Variants in TTLL11 observed in about 807,000 individuals in gnomAD.
The protein encoded by TTLL11 is tubulin tyrosine ligase like 11.
A neutral mutation model predicts 51.7 loss-of-function variants in TTLL11; 42 were observed. That is an observed-to-expected ratio of 0.81 (90% CI 0.64 to 1.05). TTLL11 has a LOEUF of 1.05. Among genes scored for constraint, TTLL11 ranks in the 50% least tolerant of loss-of-function variants. TTLL11 has a pLI of 0.00. For missense variants in TTLL11, 799 were observed against 940.4 expected, an observed-to-expected ratio of 0.85 and a Z score of 1.97; for synonymous variants, 381 against 383.5, an observed-to-expected ratio of 0.99 and a Z score of 0.08.
intron 3 of TTLL11, among the ~76,000 whole-genome samples, chr9:121,991,744 C>G (rs138176743): frequency 1.6e-4 from 25 of 152,256 alleles, no homozygotes; most frequent in Admixed American, 3.9e-4. Flanking sequence ...TGCTCTTTGC[C>G]AGAATAGTGC....
chr9:122,031,912 C>T, intron 2 of TTLL11, 56 bp from the exon 3 acceptor site: 1 of 1,564,668 alleles, frequency 6.4e-7, no homozygotes, highest in Non-Finnish European at 8.7e-7. Context: ...AGCTATAAAA[C>T]AGCCATTATT....
chr9:121,901,771 T>A (rs1279794112), intron 6 of TTLL11, among the ~76,000 whole-genome samples: 1 of 152,186 alleles, frequency 6.6e-6, no homozygotes, highest in Non-Finnish European at 1.5e-5. Flanking sequence ...CTTGTCTCCA[T>A]GTGGCCCCAA....
At chr9:121,910,248 C>G (rs571583866) in intron 6 of TTLL11, among the ~76,000 whole-genome samples, 1 of 152,186 alleles carries the variant, frequency 6.6e-6, no homozygotes, top group South Asian at 2.1e-4. Flanking sequence ...ATGACCTTGA[C>G]CCATCTATTT....
intron 8 of TTLL11, among the ~76,000 whole-genome samples, chr9:121,826,217 T>TATATAC (rs1491163835): frequency 0.11 from 6,102 of 57,912 alleles, 827 homozygotes; most frequent in Non-Finnish European, 0.13. Context: ...TATATATATA[T>TATATAC]GCACACATAT....
At chr9:122,052,727 G>T (rs1387587472) in intron 1 of TTLL11, among the ~76,000 whole-genome samples, 3 of 152,152 alleles carry the variant, frequency 2.0e-5, no homozygotes, top group Non-Finnish European at 4.4e-5. Flanking sequence ...TACAATCAGG[G>T]TATTAAAGCC....
chr9:121,983,736 A>T (rs997038797), intron 4 of TTLL11, among the ~76,000 whole-genome samples: 2 of 152,058 alleles, frequency 1.3e-5, no homozygotes, highest in African/African-American at 4.8e-5. Flanking sequence ...AGCATCCCAC[A>T]TGGACCCTCT....
chr9:122,092,359 G>T (rs1253461715), intron 1 of TTLL11, among the ~76,000 whole-genome samples: 5 of 152,028 alleles, frequency 3.3e-5, no homozygotes. Flanking sequence ...GGCCCCAGGG[G>T]CTTACAAGCT....
At position 121,870,595 on chromosome 9, in the gene TTLL11, G is replaced by A. The variant is rs1213004913; in HGVS notation, c.1635C>T (p.Tyr545=). 1 of 1,551,740 alleles carries A rather than the reference G, an allele frequency of 6.4e-7. No individual in the cohort carries two copies. The highest frequency in any genetic ancestry group is 1.2e-5 in the South Asian group (1 of 84,060). Reference sequence around the variant, plus strand: ...TTGCCATCCTGTCCACCAGGCGCAGGTAGTTGAACTGTTTTGCGTACTTGG... The same window carrying A: ...TTGCCATCCTGTCCACCAGGCGCAGATAGTTGAACTGTTTTGCGTACTTGG... The part of the protein sequence containing the change: ...VFPKYAKQFN[Y]LRLVDRMANL... Residue 545 remains tyrosine, a synonymous_variant, in exon 7 of 9, where the codon TAC becomes TAT. Transcript: ENST00000321582.
In TTLL11 at chr9:121,853,760, T is replaced by C. The variant is rs1406060707; in HGVS notation, c.1840+6577A>G. On this transcript the variant is annotated intron_variant, in intron 8 of 8. Coordinates refer to ENST00000321582, the MANE Select transcript of TTLL11 (RefSeq NM_001139442.2). The surrounding 1 kb of genome is among the most constrained non-coding windows in gnomAD (Gnocchi z 5.6). ...TGTCCCCACTGTCGCCAGGGTGGGA[T>C]GAGGAGGGCCTGGCACTCTGTCAGC... Among the ~76,000 whole-genome samples, 3 of 152,140 alleles carry C rather than the reference T, an allele frequency of 2.0e-5. No homozygotes were observed. Among genetic ancestry groups the C allele is most frequent in the Admixed American group, 2.0e-4 (3 of 15,282 alleles).
chr9:121,929,622 T>C (rs1393838615), intron 6 of TTLL11, among the ~76,000 whole-genome samples: 3 of 152,218 alleles, frequency 2.0e-5, no homozygotes, highest in African/African-American at 2.4e-5. Context: ...TTGTTCCTTA[T>C]AGTTTTTTGT....
chr9:122,046,793 G>A (rs117222138), intron 1 of TTLL11, among the ~76,000 whole-genome samples: 2,023 of 152,272 alleles, frequency 0.013, 31 homozygotes, highest in Non-Finnish European at 0.022. Context: ...ATAGAGATGA[G>A]GAAACGTGGC....
At chr9:121,843,631 C>T (rs1372459321) in intron 8 of TTLL11, among the ~76,000 whole-genome samples, 1 of 152,052 alleles carries the variant, frequency 6.6e-6, no homozygotes, top group African/African-American at 2.4e-5. Context: ...ATAACAAAGG[C>T]CTGCTAATGC....
chr9:121,838,447 A>G (rs1837244001), intron 8 of TTLL11, among the ~76,000 whole-genome samples: 1 of 152,162 alleles, frequency 6.6e-6, no homozygotes, highest in South Asian at 2.1e-4. Flanking sequence ...GGCTGGGCAT[A>G]GTGGCTCATG....
At chr9:122,068,835 G>A (rs1319683501) in intron 1 of TTLL11, among the ~76,000 whole-genome samples, 1 of 152,138 alleles carries the variant, frequency 6.6e-6, no homozygotes, top group African/African-American at 2.4e-5. Flanking sequence ...CAGTGGGATG[G>A]GACAGAAGTG....
rs1344251664 is a variant in TTLL11 at position 121,989,642 on chromosome 9, G to A, written c.822C>T (p.Leu274=). 1.2e-6 allele frequency: 2 copies of A among 1,614,036 alleles called. No homozygotes were observed. Among genetic ancestry groups the A allele is most frequent in the African/African-American group, 2.7e-5 (2 of 74,906 alleles). Residue 274 remains leucine (L), a synonymous_variant, in exon 4 of 9, where the codon CTC becomes CTT. Coordinates refer to ENST00000321582, the MANE Select transcript of TTLL11 (RefSeq NM_001139442.2). The surrounding 1 kb of genome is among the most constrained non-coding windows in gnomAD (Gnocchi z 4.2). ...CCTGGACCACCGCTGGCCTGCTCTG[G>A]AGGGTCCCTGCCAGGCGGATGTCAC... ...DPSDIRLAGT[L]QSRPAVVQEY...
intron 8 of TTLL11, among the ~76,000 whole-genome samples, chr9:121,852,690 G>A (rs1837699239): frequency 6.6e-6 from 1 of 152,196 alleles, no homozygotes; most frequent in Admixed American, 6.5e-5. Context: ...CACTACGGGT[G>A]CAGAAGTGGC....
intron 1 of TTLL11, 109 bp downstream of exon 1, chr9:122,092,578 G>A: frequency 6.8e-7 from 1 of 1,471,090 alleles, no homozygotes; most frequent in South Asian, 1.4e-5. Flanking sequence ...GTGGTGCACC[G>A]CAGGAGCTCA....
chr9:121,866,672 AAG>A (rs1838186440), intron 7 of TTLL11, among the ~76,000 whole-genome samples: 1 of 150,960 alleles, frequency 6.6e-6, no homozygotes, highest in Non-Finnish European at 1.5e-5. Context: ...AAAAAAAAAA[AAG>A]AAAGAAAAGA....
intron 6 of TTLL11, among the ~76,000 whole-genome samples, chr9:121,902,835 G>A (rs1839820374): frequency 1.3e-5 from 2 of 152,286 alleles, no homozygotes; most frequent in South Asian, 4.1e-4. Flanking sequence ...GTTCGTCATT[G>A]TAACACGTGT....
Sources: gnomAD v4.1 joint callset for allele counts (sites outside exome capture counted in the v4.1 genomes callset) on GRCh38, gnomAD v4.1.1 for gene constraint, Gnocchi (gnomAD v3.1) non-coding constraint, MANE v1.5 for transcripts, NCBI Gene and HGNC (gene_info 2026-07-23, HGNC 2026-07-21) for gene names.